Variants in RPL13A observed in about 807,000 individuals in gnomAD.
RPL13A encodes the protein large ribosomal subunit protein uL13.
RPL13A carries 4 observed loss-of-function variants against 30.8 expected under a neutral mutation model. The observed-to-expected ratio is 0.13, with a 90% CI of 0.06 to 0.30. The LOEUF (loss-of-function observed/expected upper bound fraction) is 0.30, where lower values mean the gene tolerates loss of function less well. Ranked by LOEUF, RPL13A falls within the 10% of genes least tolerant of loss-of-function variation. The pLI is 1.00. For missense variants in RPL13A, 196 were observed against 272.6 expected (o/e 0.72, Z 1.98); for synonymous variants, 108 against 104.2 (o/e 1.04, Z -0.22).
chr19:49,487,831 A>G (rs929785891), intron 1 of RPL13A, among the ~76,000 whole-genome samples, 187 bp downstream of exon 1: 1 of 152,222 alleles, frequency 6.6e-6, no homozygotes, highest in African/African-American at 2.4e-5. Flanking sequence ...AGGGTTGGCT[A>G]CAATGTGGCA....
chr19:49,488,888 TAG>T (rs2079836049), intron 1 of RPL13A, among the ~76,000 whole-genome samples: 1 of 152,188 alleles, frequency 6.6e-6, no homozygotes, highest in Non-Finnish European at 1.5e-5. Context: ...GTGTTTTTAG[TAG>T]AGACAGGGTT....
Position 49,489,851 on chromosome 19 carries a change from T to G in RPL13A, c.17T>G (p.Val6Gly). The G allele has an allele frequency of 1.9e-6, 3 of 1,613,454 alleles. 1 individual carries two copies. The highest frequency in any genetic ancestry group is 2.7e-5 in the African/African-American group (2 of 75,024). ...TCCTTTTGCCCTTGTCTCCCACAGG[T>G]CCTGGTGCTTGATGGTCGAGGCCAT... MAEVQ[V>G]LVLDGRGHLL... Residue 6 changes from valine (V) to glycine (G), a missense_variant and splice_region_variant, in exon 2 of 8, where the codon GTC (valine) becomes GGC (glycine). Transcript: ENST00000391857.
chr19:49,491,844 C>T lies in RPL13A; in HGVS notation c.*29C>T, dbSNP rs773357213. ...CAATAAAGACTGTTAATTCCTCATGCGTTGCCTGCCCTTCCTCCATTGTTG... is the reference window on the plus strand; with the variant it reads ...CAATAAAGACTGTTAATTCCTCATGTGTTGCCTGCCCTTCCTCCATTGTTG... On this transcript the variant is annotated 3_prime_UTR_variant, in exon 8 of 8. Transcript: ENST00000391857. 1.6e-5 allele frequency: 24 copies of T among 1,535,090 alleles called. No homozygotes were observed. Among genetic ancestry groups the T allele is most frequent in the Admixed American group, 5.3e-5 (3 of 56,686 alleles).
At position 49,491,402 on chromosome 19, in the gene RPL13A, A is replaced by ACCCCCCCCC. The variant is rs71180637; in HGVS notation, c.403-13_403-5dup. 11 of 237,324 alleles carry ACCCCCCCCC rather than the reference A, an allele frequency of 4.6e-5. 3 individuals carry two copies. Among genetic ancestry groups the ACCCCCCCCC allele is most frequent in the South Asian group, 2.1e-4 (6 of 28,782 alleles). 14.7% of individuals were successfully genotyped at this position (237,324 alleles called of 1,614,324 possible). On this transcript the variant is annotated intron_variant, in intron 6 of 7. Coordinates refer to ENST00000391857, the MANE Select transcript of RPL13A (RefSeq NM_012423.4). ...GATATCCTTACAACTTCATTTGTTCACCCCCCCCCCCCCCCCCCGCAGTTT... is the reference window on the plus strand; with the variant it reads ...GATATCCTTACAACTTCATTTGTTCACCCCCCCCCCCCCCCCCCCCCCCCCCCGCAGTTT...
At chr19:49,491,189 T>C in intron 6 of RPL13A, 90 bp downstream of exon 6, 1 of 1,442,912 alleles carries the variant, frequency 6.9e-7, no homozygotes, top group Non-Finnish European at 9.7e-7. Context: ...GATGATGTCC[T>C]TATCTCACGA....
In RPL13A at chr19:49,489,721, T is replaced by C; in HGVS notation, c.16-129T>C. 3.9e-6 allele frequency: 3 copies of C among 774,188 alleles called. No homozygotes were observed. The South Asian group carries it at 4.4e-5, about 11-fold the overall frequency. The allele number at this position is 774,188 out of a possible 1,614,324, so 48.0% of individuals were successfully genotyped here. A position where few individuals can be genotyped will look rare whatever the true frequency, so the allele number is the denominator to read the frequency against. On this transcript the variant is annotated intron_variant, in intron 1 of 7. Transcript: ENST00000391857. Reference sequence around the variant, plus strand: ...CTGTAGAACGGGGCTCCGTGCATAGTTCCCAGCTCTGATGGCTGGGTGCAA... The same window carrying C: ...CTGTAGAACGGGGCTCCGTGCATAGCTCCCAGCTCTGATGGCTGGGTGCAA...
In RPL13A at chr19:49,491,499, G is replaced by A. The variant is rs1239979261; in HGVS notation, c.477G>A (p.Lys159=). The change falls in exon 7 of 8, where the codon AAG becomes AAA. Residue 159 remains lysine, a synonymous_variant. Coordinates refer to ENST00000391857, the MANE Select transcript of RPL13A (RefSeq NM_012423.4). ...CAGTGACAGCCACCCTGGAGGAGAA[G>A]AGGAAAGAGAAAGCCAAGATCCACT... ...YQAVTATLEE[K]RKEKAKIHYR... 6.6e-6 allele frequency: 10 copies of A among 1,510,772 alleles called. No homozygotes were observed. The highest frequency in any genetic ancestry group is 1.8e-6 in the Non-Finnish European group (2 of 1,130,980). The allele number at this position is 1,510,772 out of a possible 1,614,324, so 93.6% of individuals were successfully genotyped here.
intron 2 of RPL13A, 88 bp downstream of exon 2, chr19:49,490,010 C>T (rs750938925): frequency 2.6e-6 from 3 of 1,168,176 alleles, no homozygotes; most frequent in Non-Finnish European, 2.6e-6. Flanking sequence ...TTGAGTCTCA[C>T]GGCCATGAGA....
intron 1 of RPL13A, among the ~76,000 whole-genome samples, chr19:49,488,471 GTGCC>G (rs1336313180): frequency 6.6e-6 from 1 of 152,234 alleles, no homozygotes; most frequent in Non-Finnish European, 1.5e-5. Flanking sequence ...ATGTGTCTTT[GTGCC>G]TAGCACAGTT....
intron 6 of RPL13A, 153 bp from the exon 7 acceptor site, chr19:49,491,272 T>G (rs750672982): frequency 3.4e-6 from 4 of 1,165,282 alleles, no homozygotes; most frequent in African/African-American, 1.5e-5. Context: ...CTTGGGTGGG[T>G]GCTTTTCTAA....
intron 2 of RPL13A, 36 bp downstream of exon 2, chr19:49,489,958 C>T: frequency 6.6e-7 from 1 of 1,507,372 alleles, no homozygotes; most frequent in Non-Finnish European, 9.2e-7. Flanking sequence ...GTCATGGGCC[C>T]CCGCTGGAGG....
In RPL13A at chr19:49,491,862, C is replaced by G. The variant is rs1325487022; in HGVS notation, c.*47C>G. 6.8e-7 allele frequency: 1 copy of G among 1,460,884 alleles called. No homozygotes were observed. Among genetic ancestry groups the G allele is most frequent in the Non-Finnish European group, 9.4e-7 (1 of 1,063,768 alleles). 90.5% of individuals were successfully genotyped at this position (1,460,884 alleles called of 1,614,324 possible). On this transcript the variant is annotated 3_prime_UTR_variant, in exon 8 of 8. Transcript: ENST00000391857. ...CCTCATGCGTTGCCTGCCCTTCCTC[C>G]ATTGTTGCCCTGGAATGTACGGGAC... is the stretch of plus-strand genomic sequence containing the variant.
chr19:49,489,938 T>G lies in RPL13A; in HGVS notation c.88+16T>G. 2 of 1,607,338 alleles carry G rather than the reference T, an allele frequency of 1.2e-6. No homozygotes were observed. Among genetic ancestry groups the G allele is most frequent in the Non-Finnish European group, 1.7e-6 (2 of 1,174,216 alleles). ...GTACTGCTGGGTAAGTCGCTGCTCG[T>G]GGCCCCTCTGTCATGGGCCCCCGCT... On this transcript the variant is annotated intron_variant, in intron 2 of 7. Transcript: ENST00000391857.
chr19:49,490,553 G>A lies in RPL13A; in HGVS notation c.233G>A (p.Arg78His), dbSNP rs750969655. 2.2e-5 allele frequency: 35 copies of A among 1,614,038 alleles called. No homozygotes were observed. The highest frequency in any genetic ancestry group is 5.3e-5 in the African/African-American group (4 of 74,934). ...RGPYHFRAPS[R>H]IFWRTVRGML... ...CCCTACCACTTCCGGGCCCCCAGCCGCATCTTCTGGCGGACCGTGCGAGGT... is the reference window on the plus strand; with the variant it reads ...CCCTACCACTTCCGGGCCCCCAGCCACATCTTCTGGCGGACCGTGCGAGGT... The change falls in exon 4 of 8, where the codon CGC becomes CAC. Residue 78 changes from arginine to histidine, a missense_variant. Coordinates refer to ENST00000391857, the MANE Select transcript of RPL13A (RefSeq NM_012423.4).
rs763087034 is a variant in RPL13A at position 49,490,977 on chromosome 19, C to G, written c.343-63C>G. The G allele has an allele frequency of 6.2e-6, 10 of 1,603,672 alleles. No homozygotes were observed. The East Asian group carries it at 2.2e-4, about 36-fold the overall frequency. On this transcript the variant is annotated intron_variant, in intron 5 of 7. Coordinates refer to ENST00000391857, the MANE Select transcript of RPL13A (RefSeq NM_012423.4). ...AAGCAGCACTGGCTGAGACGCCAGT[C>G]CAGCCGACCTCCTTCCCTGTCTGTC...
chr19:49,487,832 C>T (rs1319154679), intron 1 of RPL13A, among the ~76,000 whole-genome samples, 188 bp downstream of exon 1: 2 of 152,212 alleles, frequency 1.3e-5, no homozygotes, highest in East Asian at 1.9e-4. Flanking sequence ...GGGTTGGCTA[C>T]AATGTGGCAT....
rs1568688719 is a variant in RPL13A at position 49,491,405 on chromosome 19, C to CA, written c.403-20_403-19insA. 8 of 187,720 alleles carry CA rather than the reference C, an allele frequency of 4.3e-5. No individual in the cohort carries two copies. Among genetic ancestry groups the CA allele is most frequent in the African/African-American group, 1.2e-4 (2 of 16,416 alleles). 11.6% of individuals were successfully genotyped at this position (187,720 alleles called of 1,614,324 possible). A position where few individuals can be genotyped will look rare whatever the true frequency, so the allele number is the denominator to read the frequency against. The stretch of plus-strand genomic sequence containing the variant: ...ATCCTTACAACTTCATTTGTTCACC[C>CA]CCCCCCCCCCCCCCCGCAGTTTGCC... On this transcript the variant is annotated intron_variant, in intron 6 of 7. Coordinates refer to ENST00000391857, the MANE Select transcript of RPL13A (RefSeq NM_012423.4).
At chr19:49,489,074 T>C (rs1437783812) in intron 1 of RPL13A, among the ~76,000 whole-genome samples, 1 of 152,240 alleles carries the variant, frequency 6.6e-6, no homozygotes, top group Non-Finnish European at 1.5e-5. Context: ...CAGAGTGCTC[T>C]ATAGCAGAGC....
intron 1 of RPL13A, 108 bp downstream of exon 1, chr19:49,487,752 A>G (rs1035976520): frequency 1.7e-6 from 2 of 1,147,926 alleles, no homozygotes; most frequent in Non-Finnish European, 2.4e-6. Flanking sequence ...AACATCCATA[A>G]TGAAGCAAAA....
Sources: gnomAD v4.1 joint callset for allele counts (sites outside exome capture counted in the v4.1 genomes callset) on GRCh38, gnomAD v4.1.1 for gene constraint, MANE v1.5 for transcripts, NCBI Gene and HGNC (gene_info 2026-07-23, HGNC 2026-07-21) for gene names.